Variants in PTGER3 observed in about 807,000 individuals in gnomAD.
PTGER3 encodes prostaglandin E receptor 3.
In PTGER3, 22 loss-of-function variants were observed where a neutral mutation model predicts 34.7. The ratio of observed to expected loss-of-function variants is 0.63; its 90% CI spans 0.45 to 0.91. The LOEUF is 0.91. Ranked by LOEUF, PTGER3 falls within the 40% of genes least tolerant of loss-of-function variation. The pLI is 0.00. For synonymous variants in PTGER3, 241 were observed against 230.1 expected (o/e 1.05, Z -0.43); for missense variants, 468 against 519.4 (o/e 0.90, Z 0.96).
intron 1 of PTGER3, among the ~76,000 whole-genome samples, chr1:71,035,708 A>T (rs984014063): frequency 6.6e-6 from 1 of 152,192 alleles, no homozygotes; most frequent in African/African-American, 2.4e-5. Context: ...AACAAAAATG[A>T]CAAGGTTGTG....
chr1:70,965,597 A>T (rs548234112), intron 2 of PTGER3, among the ~76,000 whole-genome samples: 5 of 152,112 alleles, frequency 3.3e-5, no homozygotes, highest in African/African-American at 1.2e-4. Flanking sequence ...TTAATATGAC[A>T]GTTAGCTAAT....
intron 4 of PTGER3, among the ~76,000 whole-genome samples, chr1:70,917,273 A>G (rs897709434): frequency 1.2e-4 from 18 of 151,478 alleles, no homozygotes; most frequent in Middle Eastern, 6.8e-3. Context: ...GATTCCACAT[A>G]CAAGAGATCA....
Position 71,047,253 on chromosome 1 carries a change from C to T in PTGER3, c.325G>A (p.Val109Ile), listed in dbSNP as rs1295515441. The T allele has an allele frequency of 3.8e-6, 6 of 1,595,512 alleles. No individual in the cohort carries two copies. The highest frequency in any genetic ancestry group is 4.3e-6 in the Non-Finnish European group (5 of 1,171,658). Residue 109 changes from valine (V) to isoleucine (I), a missense_variant, in exon 1 of 4, where the codon GTC (valine) becomes ATC (isoleucine). By Grantham distance (29) the Val-to-Ile change is conservative. Transcript: ENST00000306666. Reference protein sequence around the residue: ...DLVGQLLTTPVVIVVYLSKQR... With the variant: ...DLVGQLLTTPIVIVVYLSKQR... ...TTGGACAGGTACACGACGATGACGACCGGGGTGGTGAGAAGCTGCCCGACC... is the reference window on the plus strand; with the variant it reads ...TTGGACAGGTACACGACGATGACGATCGGGGTGGTGAGAAGCTGCCCGACC...
intron 2 of PTGER3, chr1:71,011,152 G>C (rs529088533): frequency 3.7e-5 from 36 of 985,600 alleles, no homozygotes; most frequent in Middle Eastern, 5.2e-4. Flanking sequence ...AATACGTCAA[G>C]CTTAGCTATT....
chr1:71,032,987 T>C (rs924193925), intron 1 of PTGER3, among the ~76,000 whole-genome samples: 1 of 152,222 alleles, frequency 6.6e-6, no homozygotes, highest in Non-Finnish European at 1.5e-5. Context: ...TATTATTTTA[T>C]AAGCAAATTT....
chr1:70,883,894 C>T (rs1646443843), intron 4 of PTGER3: 1 of 236,170 alleles, frequency 4.2e-6, no homozygotes, highest in Admixed American at 5.6e-5. Flanking sequence ...GAAACCTCAT[C>T]TCTACTAAAA....
At chr1:71,038,189 T>C (rs909423210) in intron 1 of PTGER3, among the ~76,000 whole-genome samples, 3 of 152,166 alleles carry the variant, frequency 2.0e-5, no homozygotes, top group African/African-American at 7.2e-5. Flanking sequence ...TTCTCAACCA[T>C]AGAAAATGAC....
At chr1:70,925,254 C>T (rs1420090000) in intron 4 of PTGER3, among the ~76,000 whole-genome samples, 3 of 152,220 alleles carry the variant, frequency 2.0e-5, no homozygotes, top group African/African-American at 7.2e-5. Context: ...ATCCACCTGC[C>T]TCAGCCTACC....
chr1:70,903,674 A>G (rs1646886869), intron 4 of PTGER3, among the ~76,000 whole-genome samples: 1 of 152,220 alleles, frequency 6.6e-6, no homozygotes, highest in South Asian at 2.1e-4. Flanking sequence ...TTTAAATGGC[A>G]TCCAAGAGTC....
intron 4 of PTGER3, among the ~76,000 whole-genome samples, chr1:70,874,124 C>T (rs1173000009): frequency 6.6e-6 from 1 of 152,116 alleles, no homozygotes; most frequent in Non-Finnish European, 1.5e-5. Flanking sequence ...CTTTGTGTCT[C>T]TTTAAGTATT....
intron 1 of PTGER3, among the ~76,000 whole-genome samples, chr1:71,024,757 GT>G (rs1658746920): frequency 6.8e-6 from 1 of 147,534 alleles, no homozygotes; most frequent in Admixed American, 6.9e-5. Context: ...GTTTCACCGT[GT>G]TGACCAGGCT....
rs184026603 is a variant in PTGER3 at position 70,874,393 on chromosome 1, A to T, written c.*24-21534T>A. On this transcript the variant is annotated intron_variant, in intron 4 of 4. Coordinates refer to the PTGER3 transcript ENST00000370931. The stretch of plus-strand genomic sequence containing the variant: ...AATATTGACTCAATTGCGTGTTGCC[A>T]TGGGTTATCTTCCTTTCTCTCTTTT... Among the ~76,000 whole-genome samples, 585 of 152,284 alleles carry T rather than the reference A, an allele frequency of 3.8e-3. 6 individuals are homozygous for T. The highest frequency in any genetic ancestry group is 0.013 in the African/African-American group (551 of 41,552).
At chr1:70,977,068 T>A (rs1653777600) in intron 2 of PTGER3, among the ~76,000 whole-genome samples, 1 of 152,154 alleles carries the variant, frequency 6.6e-6, no homozygotes, top group South Asian at 2.1e-4. Flanking sequence ...CAGGATATTT[T>A]AAAATAATTC....
chr1:70,963,206 T>C (rs1652128110), intron 2 of PTGER3, among the ~76,000 whole-genome samples: 1 of 152,162 alleles, frequency 6.6e-6, no homozygotes, highest in Non-Finnish European at 1.5e-5. Context: ...CTTTGCAGGG[T>C]ACATCCCCTC....
intron 1 of PTGER3, among the ~76,000 whole-genome samples, chr1:71,032,912 C>G (rs185581399): frequency 2.0e-5 from 3 of 152,290 alleles, no homozygotes; most frequent in African/African-American, 7.2e-5. Flanking sequence ...AAAGTTTCTT[C>G]TGAGACCTAG....
chr1:70,937,611 A>G (rs1004199691), intron 4 of PTGER3, among the ~76,000 whole-genome samples: 21 of 152,204 alleles, frequency 1.4e-4, no homozygotes, highest in African/African-American at 4.1e-4. Flanking sequence ...CCTTTTAGGT[A>G]TCATTAGTCC....
At chr1:71,000,000 G>A (rs958779629) in intron 2 of PTGER3, among the ~76,000 whole-genome samples, 6 of 152,160 alleles carry the variant, frequency 3.9e-5, no homozygotes, top group African/African-American at 1.4e-4. Flanking sequence ...TGAGAATCTT[G>A]TTTGCTTAAT....
At chr1:70,927,719 C>G (rs1190317842) in intron 4 of PTGER3, among the ~76,000 whole-genome samples, 1 of 152,046 alleles carries the variant, frequency 6.6e-6, no homozygotes, top group Non-Finnish European at 1.5e-5. Context: ...TCCCAGAGGT[C>G]ATTTACCATA....
chr1:71,034,940 A>T (rs1488046288), intron 1 of PTGER3, among the ~76,000 whole-genome samples: 1 of 152,208 alleles, frequency 6.6e-6, no homozygotes, highest in South Asian at 2.1e-4. Flanking sequence ...CTTTGGCGAC[A>T]AAAATGCCTA....
Sources: gnomAD v4.1 joint callset for allele counts (sites outside exome capture counted in the v4.1 genomes callset) on GRCh38, gnomAD v4.1.1 for gene constraint, MANE v1.5 for transcripts, NCBI Gene and HGNC (gene_info 2026-07-23, HGNC 2026-07-21) for gene names.